The following KALRN variants were observed in gnomAD, a reference collection of about 807,000 sequenced individuals.
KALRN encodes kalirin RhoGEF kinase, also known as kalirin.
In KALRN, 70 loss-of-function variants were observed where a neutral mutation model predicts 353.7. That is an observed-to-expected ratio of 0.20 (90% CI 0.16 to 0.24). The LOEUF (loss-of-function observed/expected upper bound fraction) is 0.24, where lower values mean the gene tolerates loss of function less well. KALRN is among the 10% of genes least tolerant of loss of function. The pLI, the probability that KALRN is intolerant of heterozygous loss-of-function variation, is 1.00. For missense variants in KALRN, 2,791 were observed against 3,756.7 expected, an observed-to-expected ratio of 0.74 and a Z score of 6.72; for synonymous variants, 1,391 against 1,434.8, an observed-to-expected ratio of 0.97 and a Z score of 0.69.
intron 10 of KALRN, among the ~76,000 whole-genome samples, chr3:124,370,000 T>C (rs929752827): frequency 3.9e-5 from 6 of 152,214 alleles, no homozygotes; most frequent in Non-Finnish European, 8.8e-5. Context: ...TGCTGAATAG[T>C]ATTCCATTGT....
chr3:124,719,571 A>T lies in KALRN; in HGVS notation c.*101A>T. ...TTCTGTTCATCATTTCACTCCGTGC[A>T]GTTCTCTGAATTGAGAGATGTACCT... On this transcript the variant is annotated 3_prime_UTR_variant, in exon 60 of 60. Transcript: ENST00000682506. The surrounding 1 kb of genome is among the most constrained non-coding windows in gnomAD (Gnocchi z 5.3). 8.6e-7 allele frequency: 1 copy of T among 1,159,734 alleles called. No homozygotes were observed. Among genetic ancestry groups the T allele is most frequent in the South Asian group, 1.5e-5 (1 of 65,008 alleles). The allele number at this position is 1,159,734 out of a possible 1,614,324, so 71.8% of individuals were successfully genotyped here.
intron 1 of KALRN, among the ~76,000 whole-genome samples, chr3:124,219,081 T>C (rs1319766490): frequency 1.3e-5 from 2 of 152,192 alleles, no homozygotes; most frequent in Non-Finnish European, 2.9e-5. Flanking sequence ...GACATGGCAG[T>C]TACTAAACAC....
intron 13 of KALRN, among the ~76,000 whole-genome samples, chr3:124,407,116 A>G (rs1576656182): frequency 6.6e-6 from 1 of 151,888 alleles, no homozygotes; most frequent in Non-Finnish European, 1.5e-5. Context: ...GAGTCACTGC[A>G]CCCAGCCAGG....
At chr3:124,074,040 C>A (rs1374127143) in intron 1 of KALRN, among the ~76,000 whole-genome samples, 1 of 151,868 alleles carries the variant, frequency 6.6e-6, no homozygotes, top group Non-Finnish European at 1.5e-5. Context: ...GAAAGTGTTG[C>A]AATGCCTCTT....
intron 19 of KALRN, among the ~76,000 whole-genome samples, chr3:124,445,842 G>GA (rs1447567455): frequency 3.9e-5 from 6 of 152,182 alleles, no homozygotes; most frequent in Non-Finnish European, 8.8e-5. Context: ...TGCTTCTTAA[G>GA]ATTTCTTAGA....
intron 34 of KALRN, among the ~76,000 whole-genome samples, chr3:124,630,574 T>C (rs978520762): frequency 2.0e-5 from 3 of 152,068 alleles, no homozygotes; most frequent in African/African-American, 7.2e-5. Flanking sequence ...AGTAGTGTAG[T>C]TTAGTGCTCA....
At chr3:124,136,612 G>A (rs1231767656) in intron 1 of KALRN, among the ~76,000 whole-genome samples, 1 of 152,196 alleles carries the variant, frequency 6.6e-6, no homozygotes, top group African/African-American at 2.4e-5. Flanking sequence ...ACCTCTGGGA[G>A]GAGAGTAGAG....
chr3:124,151,186 G>A (rs2068062343), intron 1 of KALRN, among the ~76,000 whole-genome samples: 1 of 152,234 alleles, frequency 6.6e-6, no homozygotes, highest in East Asian at 1.9e-4. Context: ...ACCCAGTTTT[G>A]TGGAGTATAT....
intron 33 of KALRN, among the ~76,000 whole-genome samples, chr3:124,511,121 C>A (rs959572505): frequency 1.3e-5 from 2 of 152,040 alleles, no homozygotes; most frequent in Non-Finnish European, 2.9e-5. Context: ...TATTGCCCCT[C>A]TCCTCTCCCC....
intron 26 of KALRN, among the ~76,000 whole-genome samples, chr3:124,475,452 A>G (rs2061350742): frequency 6.6e-6 from 1 of 152,194 alleles, no homozygotes; most frequent in South Asian, 2.1e-4. Flanking sequence ...TGTACAATAT[A>G]TGAATGCAAA....
chr3:124,657,617 C>T (rs1311679491), intron 40 of KALRN, 66 bp downstream of exon 40: 1 of 1,401,142 alleles, frequency 7.1e-7, no homozygotes, highest in Non-Finnish European at 1.0e-6. Context: ...CCTCTTCCTG[C>T]ATCTGACTCA....
At chr3:124,286,501 T>C (rs1489254469) in intron 5 of KALRN, among the ~76,000 whole-genome samples, 1 of 152,158 alleles carries the variant, frequency 6.6e-6, no homozygotes, top group Non-Finnish European at 1.5e-5. Flanking sequence ...TCTGTCTGCC[T>C]TGGTCTCCCA....
At chr3:124,178,764 ACC>A (rs1357036060) in intron 1 of KALRN, among the ~76,000 whole-genome samples, 1 of 152,222 alleles carries the variant, frequency 6.6e-6, no homozygotes, top group Non-Finnish European at 1.5e-5. Flanking sequence ...ACTGTACACT[ACC>A]AGACTTTATG....
At chr3:124,659,524 T>A in intron 43 of KALRN, 67 bp downstream of exon 43, 1 of 1,079,768 alleles carries the variant, frequency 9.3e-7, no homozygotes, top group Non-Finnish European at 1.4e-6. Context: ...GGTTCTGAGC[T>A]AGGGGTAGAG....
chr3:124,490,622 A>T, intron 29 of KALRN, 72 bp from the exon 30 acceptor site: 2 of 1,415,680 alleles, frequency 1.4e-6, no homozygotes, highest in Non-Finnish European at 1.9e-6. Flanking sequence ...TTTCTCCAAG[A>T]GGGGGGTGGA....
intron 1 of KALRN, among the ~76,000 whole-genome samples, chr3:124,052,825 A>G (rs2041168335): frequency 6.6e-6 from 1 of 152,152 alleles, no homozygotes; most frequent in Admixed American, 6.5e-5. Flanking sequence ...TGGTTGTCAT[A>G]GAGTAGGAGA....
intron 31 of KALRN, among the ~76,000 whole-genome samples, chr3:124,492,351 G>A (rs2063257070): frequency 6.6e-6 from 1 of 152,222 alleles, no homozygotes; most frequent in Non-Finnish European, 1.5e-5. Context: ...TGATTGGGAA[G>A]TAGATGCTGC....
rs796628603 is a variant in KALRN at position 124,642,806 on chromosome 3, G to GTTGTTTTTTTGTTTTTTT, written c.5664+5505_5664+5506insGTTTTTTTGTTTTTTTTT. On this transcript the variant is annotated intron_variant, in intron 37 of 59. Transcript: ENST00000682506. ...TCTGTGGAAGAGATTCCCAAGCCTC[G>GTTGTTTTTTTGTTTTTTT]TTTTTTTTTTTTTTTTTTTTGAGAC... Among the ~76,000 whole-genome samples the GTTGTTTTTTTGTTTTTTT allele has an allele frequency of 4.1e-5, 4 of 96,838 alleles. No individual in the cohort carries two copies. In the East Asian group the frequency reaches 1.9e-3, roughly 46 times the overall value. 63.5% of individuals were successfully genotyped at this position (96,838 alleles called of 152,430 possible).
chr3:124,632,153 A>G (rs1484637407), intron 34 of KALRN, among the ~76,000 whole-genome samples: 1 of 152,238 alleles, frequency 6.6e-6, no homozygotes, highest in Non-Finnish European at 1.5e-5. Context: ...GTTTCCCACC[A>G]GAATGTAAAC....
Sources: allele counts gnomAD v4.1 joint callset (sites outside exome capture counted in the v4.1 genomes callset), GRCh38; gene constraint gnomAD v4.1.1; non-coding constraint Gnocchi (gnomAD v3.1); transcripts MANE v1.5; gene names NCBI Gene and HGNC (gene_info 2026-07-23, HGNC 2026-07-21).